Variants in TMTC2 observed in about 807,000 individuals in gnomAD.
TMTC2 encodes protein O-mannosyl-transferase TMTC2.
A neutral mutation model predicts 82.4 loss-of-function variants in TMTC2; 43 were observed. The ratio of observed to expected loss-of-function variants is 0.52; its 90% CI spans 0.41 to 0.67. The LOEUF is 0.67. Among genes scored for constraint, TMTC2 ranks in the 30% least tolerant of loss-of-function variants. The pLI is 0.00. For synonymous variants in TMTC2, 408 were observed against 381.9 expected (o/e 1.07, Z -0.80); for missense variants, 919 against 1,012.4 (o/e 0.91, Z 1.25).
At chr12:83,039,617 G>A (rs184928467) in intron 9 of TMTC2, among the ~76,000 whole-genome samples, 63 of 152,122 alleles carry the variant, frequency 4.1e-4, no homozygotes, top group Admixed American at 2.7e-3. Context: ...GGAGAGTGAC[G>A]TCATCAAGCA....
chr12:82,918,849 C>A lies in TMTC2; in HGVS notation c.1484-11582C>A, dbSNP rs183061399. 2.3e-4 allele frequency among the ~76,000 whole-genome samples: 35 copies of A among 152,040 alleles called. 1 individual carries two copies. The highest frequency in any genetic ancestry group is 8.0e-4 in the African/African-American group (33 of 41,472). ...CTCGGCTCACTGCAACCTCCACCTCCCAGGTTCAAGTGATTCTTCTGCCTC... is the reference window on the plus strand; with the variant it reads ...CTCGGCTCACTGCAACCTCCACCTCACAGGTTCAAGTGATTCTTCTGCCTC... On this transcript the variant is annotated intron_variant, in intron 3 of 11. Transcript: ENST00000321196.
At chr12:83,064,404 T>G (rs912657363) in intron 11 of TMTC2, among the ~76,000 whole-genome samples, 2 of 152,006 alleles carry the variant, frequency 1.3e-5, no homozygotes, top group African/African-American at 4.8e-5. Context: ...GAAAATATGT[T>G]TATTCAAATG....
intron 1 of TMTC2, among the ~76,000 whole-genome samples, chr12:82,719,085 A>ATATATATATATATT (rs1282211374): frequency 4.8e-5 from 2 of 41,412 alleles, no homozygotes; most frequent in African/African-American, 1.2e-4. Flanking sequence ...ATATATATAT[A>ATATATATATATATT]TTTTTTTTTT....
intron 8 of TMTC2, among the ~76,000 whole-genome samples, chr12:82,987,611 C>T (rs1565840859): frequency 6.6e-6 from 1 of 151,908 alleles, no homozygotes; most frequent in Non-Finnish European, 1.5e-5. Flanking sequence ...AATACCAGAG[C>T]AGTGAACAGC....
intron 7 of TMTC2, among the ~76,000 whole-genome samples, chr12:82,972,078 A>G (rs1397105615): frequency 6.6e-6 from 1 of 152,184 alleles, no homozygotes; most frequent in Non-Finnish European, 1.5e-5. Context: ...AGAGAAACTC[A>G]ACCTTTTTAA....
chr12:82,695,530 T>G (rs1052697498), intron 1 of TMTC2, among the ~76,000 whole-genome samples: 1 of 152,240 alleles, frequency 6.6e-6, no homozygotes, highest in Non-Finnish European at 1.5e-5. Flanking sequence ...TTGTGAAAAG[T>G]AAACATCTTG....
At chr12:83,071,142 T>C (rs1369733492) in intron 11 of TMTC2, among the ~76,000 whole-genome samples, 1 of 147,284 alleles carries the variant, frequency 6.8e-6, no homozygotes, top group Non-Finnish European at 1.5e-5. Context: ...AATATTGGTC[T>C]GTAGTTGTTT....
At chr12:83,056,006 C>T (rs1302986421) in intron 10 of TMTC2, among the ~76,000 whole-genome samples, 1 of 151,794 alleles carries the variant, frequency 6.6e-6, no homozygotes, top group Non-Finnish European at 1.5e-5. Context: ...CACATTGGCT[C>T]CCTTATATTT....
intron 11 of TMTC2, among the ~76,000 whole-genome samples, chr12:83,074,687 G>A (rs1883226064): frequency 6.6e-6 from 1 of 152,062 alleles, no homozygotes; most frequent in African/African-American, 2.4e-5. Context: ...CACTCCCATT[G>A]TGCCCCCCAG....
chr12:82,975,630 A>G (rs1187540064), intron 7 of TMTC2, among the ~76,000 whole-genome samples: 2 of 152,180 alleles, frequency 1.3e-5, no homozygotes, highest in Admixed American at 6.5e-5. Context: ...ATAGCAATTT[A>G]TAATATAAAT....
intron 1 of TMTC2, chr12:82,690,353 G>A: frequency 1.0e-6 from 1 of 985,388 alleles, no homozygotes; most frequent in Non-Finnish European, 1.2e-6. Flanking sequence ...GCCAGTGCCA[G>A]AAGTGAAGGG....
intron 1 of TMTC2, among the ~76,000 whole-genome samples, chr12:82,762,046 A>C (rs1221609448): frequency 1.4e-5 from 2 of 139,330 alleles, no homozygotes; most frequent in Non-Finnish European, 3.0e-5. Flanking sequence ...AGCTCACTGC[A>C]ACCTCCGCCT....
chr12:82,760,857 TC>T, intron 1 of TMTC2: 1 of 411,272 alleles, frequency 2.4e-6, no homozygotes, highest in Non-Finnish European at 4.9e-6. Context: ...TGTCATTGTC[TC>T]CCCTCACCCC....
At chr12:83,066,540 G>A (rs1482725185) in intron 11 of TMTC2, among the ~76,000 whole-genome samples, 1 of 151,840 alleles carries the variant, frequency 6.6e-6, no homozygotes, top group Non-Finnish European at 1.5e-5. Context: ...TTAGAGTGGC[G>A]ATTTATATGA....
chr12:83,083,261 T>C (rs1883534510), intron 11 of TMTC2, among the ~76,000 whole-genome samples: 1 of 152,218 alleles, frequency 6.6e-6, no homozygotes, highest in South Asian at 2.1e-4. Flanking sequence ...ATGAGCAGAT[T>C]GGCATTATCT....
intron 11 of TMTC2, among the ~76,000 whole-genome samples, chr12:83,097,684 A>G (rs1304452049): frequency 1.3e-5 from 2 of 152,260 alleles, no homozygotes; most frequent in East Asian, 1.9e-4. Flanking sequence ...TATAAGACAT[A>G]AGAAAATAAA....
At chr12:83,065,386 G>A (rs1882881782) in intron 11 of TMTC2, among the ~76,000 whole-genome samples, 1 of 151,742 alleles carries the variant, frequency 6.6e-6, no homozygotes, top group Non-Finnish European at 1.5e-5. Context: ...TAAATTAACA[G>A]GCACAAAATA....
At chr12:82,865,860 C>T (rs1871821234) in intron 2 of TMTC2, among the ~76,000 whole-genome samples, 1 of 152,172 alleles carries the variant, frequency 6.6e-6, no homozygotes, top group African/African-American at 2.4e-5. Flanking sequence ...AAGAAACTCA[C>T]TCAAAACCAC....
At chr12:82,739,930 T>A (rs1313963433) in intron 1 of TMTC2, among the ~76,000 whole-genome samples, 1 of 151,870 alleles carries the variant, frequency 6.6e-6, no homozygotes, top group Non-Finnish European at 1.5e-5. Flanking sequence ...ACTATGAAAG[T>A]GTGATTGTTA....
Sources: gnomAD v4.1 joint callset for allele counts (sites outside exome capture counted in the v4.1 genomes callset) on GRCh38, gnomAD v4.1.1 for gene constraint, MANE v1.5 for transcripts, NCBI Gene and HGNC (gene_info 2026-07-23, HGNC 2026-07-21) for gene names.